Variants in ACTL8 observed in about 807,000 individuals in gnomAD.
ACTL8 encodes the protein actin-like protein 8.
In ACTL8, 3 loss-of-function variants were observed where a neutral mutation model predicts 9.3. The ratio of observed to expected loss-of-function variants is 0.32; its 90% CI spans 0.15 to 0.83. The LOEUF (loss-of-function observed/expected upper bound fraction) is 0.83, where lower values mean the gene tolerates loss of function less well. Ranked by LOEUF, ACTL8 falls within the 40% of genes least tolerant of loss-of-function variation. The pLI, the probability that ACTL8 is intolerant of heterozygous loss-of-function variation, is 0.57. For synonymous variants in ACTL8, 224 were observed against 205.9 expected, an observed-to-expected ratio of 1.09 and a Z score of -0.75; for missense variants, 381 against 492.2, an observed-to-expected ratio of 0.77 and a Z score of 2.14.
At chr1:17,807,991 A>G (rs2066369820) in intron 1 of ACTL8, among the ~76,000 whole-genome samples, 4 of 152,174 alleles carry the variant, frequency 2.6e-5, no homozygotes, top group Admixed American at 6.5e-5. Context: ...CTAAAGTATA[A>G]TAATAAAAGT....
chr1:17,823,016 C>T lies in ACTL8; in HGVS notation c.8C>T (p.Ala3Val). ...CCCACCTCTGCCTCCGCCATGGCTG[C>T]AAGAACCGTTATCATTGACCACGGG... MAARTVIIDHGSG... is the reference protein window; with the variant it reads MAVRTVIIDHGSG... The change falls in exon 2 of 3, where the codon GCA (alanine) becomes GTA (valine). Residue 3 changes from alanine to valine, a missense_variant. By Grantham distance (64) the Ala-to-Val change is moderately conservative. This residue lies in a region of ACTL8 where 125 missense variants were observed against 180.7 expected (regional missense o/e 0.69). Transcript: ENST00000375406. This position sits in a 1 kb window ranked among gnomAD's most constrained non-coding sequence, Gnocchi z 5.3. 1 of 1,613,414 alleles carries T rather than the reference C, an allele frequency of 6.2e-7. No individual in the cohort carries two copies. The highest frequency in any genetic ancestry group is 8.5e-7 in the Non-Finnish European group (1 of 1,179,584).
chr1:17,798,061 C>T (rs111537061), intron 1 of ACTL8, among the ~76,000 whole-genome samples: 91 of 150,198 alleles, frequency 6.1e-4, no homozygotes, highest in African/African-American at 2.0e-3. Context: ...GTGTTACCTC[C>T]ACCACATCTT....
At chr1:17,756,412 C>T (rs1558091502) in intron 1 of ACTL8, among the ~76,000 whole-genome samples, 1 of 152,158 alleles carries the variant, frequency 6.6e-6, no homozygotes, top group Non-Finnish European at 1.5e-5. Context: ...TTTATCACAG[C>T]TCTGGATGGG....
At chr1:17,801,968 C>T (rs2066325609) in intron 1 of ACTL8, among the ~76,000 whole-genome samples, 1 of 152,082 alleles carries the variant, frequency 6.6e-6, no homozygotes, top group African/African-American at 2.4e-5. Context: ...TCGAAATGTT[C>T]CCAAGCTGCA....
chr1:17,810,908 A>T (rs1054774753), intron 1 of ACTL8, among the ~76,000 whole-genome samples: 172 of 152,196 alleles, frequency 1.1e-3, no homozygotes, highest in African/African-American at 4.1e-3. Context: ...GCTGAAGAAC[A>T]TTTGGGTTGT....
chr1:17,760,846 C>T (rs574505405), intron 1 of ACTL8, among the ~76,000 whole-genome samples: 1 of 152,298 alleles, frequency 6.6e-6, no homozygotes, highest in East Asian at 1.9e-4. Flanking sequence ...GTCAAGCGGC[C>T]ATGATTAGTC....
intron 2 of ACTL8, among the ~76,000 whole-genome samples, 200 bp from the exon 3 acceptor site, chr1:17,825,567 T>C (rs2053707924): frequency 6.6e-6 from 1 of 152,138 alleles, no homozygotes; most frequent in Non-Finnish European, 1.5e-5. Flanking sequence ...CCAGACAAGC[T>C]CCTGAGGGCA....
chr1:17,809,451 C>T (rs1249384310), intron 1 of ACTL8, among the ~76,000 whole-genome samples: 1 of 152,058 alleles, frequency 6.6e-6, no homozygotes, highest in Non-Finnish European at 1.5e-5. Context: ...GGCTGTGGTC[C>T]AGGGACAGAG....
At chr1:17,825,663 G>T in intron 2 of ACTL8, 104 bp from the exon 3 acceptor site, 2 of 1,442,620 alleles carry the variant, frequency 1.4e-6, no homozygotes, top group South Asian at 2.7e-5. Context: ...GCATCCTGGG[G>T]CAGCCCGAGA....
intron 1 of ACTL8, among the ~76,000 whole-genome samples, chr1:17,807,848 T>G (rs1483387723): frequency 2.1e-4 from 27 of 127,812 alleles, no homozygotes; most frequent in East Asian, 4.6e-4. Context: ...CTGTGGGGGG[T>G]GGGGAGCTGG....
In ACTL8 at chr1:17,792,450, A is replaced by G. The variant is rs76435863; in HGVS notation, c.-24-30535A>G. The stretch of plus-strand genomic sequence containing the variant: ...TGGAAGGGTCTTCAGACCATATCCA[A>G]TACAGGCAAGCGTCCATCTTTCTGA... On this transcript the variant is annotated intron_variant, in intron 1 of 2. Transcript: ENST00000375406. 7.9e-3 allele frequency among the ~76,000 whole-genome samples: 1,196 copies of G among 152,306 alleles called. 12 individuals carry two copies. The highest frequency in any genetic ancestry group is 0.028 in the African/African-American group (1,146 of 41,554).
At chr1:17,800,406 A>T (rs1570028212) in intron 1 of ACTL8, among the ~76,000 whole-genome samples, 1 of 152,006 alleles carries the variant, frequency 6.6e-6, no homozygotes, top group Non-Finnish European at 1.5e-5. Context: ...ACGTGTTCAG[A>T]TTCTGTTGGA....
intron 1 of ACTL8, among the ~76,000 whole-genome samples, chr1:17,762,362 C>T (rs1306919808): frequency 1.3e-5 from 2 of 152,038 alleles, no homozygotes; most frequent in African/African-American, 4.8e-5. Context: ...CTGTTCCTCC[C>T]CTGACCACCA....
chr1:17,820,516 G>T (rs1409766093), intron 1 of ACTL8, among the ~76,000 whole-genome samples: 2 of 151,802 alleles, frequency 1.3e-5, no homozygotes, highest in African/African-American at 4.8e-5. Context: ...CATTTCCCTT[G>T]AGTAAATACG....
At chr1:17,761,561 G>A (rs1295797634) in intron 1 of ACTL8, among the ~76,000 whole-genome samples, 1 of 151,908 alleles carries the variant, frequency 6.6e-6, no homozygotes, top group African/African-American at 2.4e-5. Flanking sequence ...TTGGGTATGT[G>A]GGCCCAAACT....
chr1:17,810,899 C>A (rs2066389677), intron 1 of ACTL8, among the ~76,000 whole-genome samples: 1 of 152,176 alleles, frequency 6.6e-6, no homozygotes. Flanking sequence ...CATTTACCAG[C>A]TGAAGAACAT....
intron 1 of ACTL8, among the ~76,000 whole-genome samples, chr1:17,817,008 T>A (rs769375299): frequency 1.3e-5 from 2 of 152,168 alleles, no homozygotes; most frequent in African/African-American, 2.4e-5. Flanking sequence ...AGTCTGCCTG[T>A]TATTTTTTTC....
At chr1:17,814,007 A>T (rs998177628) in intron 1 of ACTL8, among the ~76,000 whole-genome samples, 1 of 151,974 alleles carries the variant, frequency 6.6e-6, no homozygotes, top group Non-Finnish European at 1.5e-5. Context: ...CTTTTTTCTT[A>T]GTCTTTGATC....
chr1:17,777,264 C>T (rs183399175), intron 1 of ACTL8, among the ~76,000 whole-genome samples: 3 of 152,250 alleles, frequency 2.0e-5, no homozygotes, highest in Admixed American at 6.5e-5. Flanking sequence ...TCTCCAGGAA[C>T]ATTTTAGCCT....
Sources: allele counts gnomAD v4.1 joint callset (sites outside exome capture counted in the v4.1 genomes callset), GRCh38; gene constraint gnomAD v4.1.1; regional missense constraint gnomAD v4.1.1; non-coding constraint Gnocchi (gnomAD v3.1); transcripts MANE v1.5; gene names NCBI Gene and HGNC (gene_info 2026-07-23, HGNC 2026-07-21).